ABCA13: variants seen among roughly 807,000 people sequenced by gnomAD.
The protein encoded by ABCA13 is ATP-binding cassette sub-family A member 13.
Under a neutral mutation model 478.7 loss-of-function variants are expected in ABCA13, and 476 were observed. That is an observed-to-expected ratio of 0.99 (90% CI 0.92 to 1.07). The LOEUF (loss-of-function observed/expected upper bound fraction) is 1.07, where lower values mean the gene tolerates loss of function less well. ABCA13 is among the 50% of genes least tolerant of loss of function. The pLI is 0.00. For missense variants in ABCA13, 6,060 were observed against 5,910.6 expected (o/e 1.03, Z -0.83); for synonymous variants, 2,252 against 2,158.9 (o/e 1.04, Z -1.20).
intron 3 of ABCA13, among the ~76,000 whole-genome samples, chr7:48,214,282 C>A (rs376341209): frequency 6.6e-6 from 1 of 152,112 alleles, no homozygotes. Context: ...AGAGGTGCTG[C>A]CATCTAAGCT....
At chr7:48,477,840 T>C (rs1828304907) in intron 45 of ABCA13, among the ~76,000 whole-genome samples, 1 of 151,756 alleles carries the variant, frequency 6.6e-6, no homozygotes, top group Non-Finnish European at 1.5e-5. Flanking sequence ...TGTATACATA[T>C]GTAACAAACC....
rs954768505 is a variant in ABCA13, at chr7:48,219,427, C to G, written c.361C>G (p.Leu121Val). Reference protein sequence around the residue: ...NLAFLKEIQDLAEEIHGMMDK... With the variant: ...NLAFLKEIQDVAEEIHGMMDK... ...GGCCTTTTTAAAAGAGATACAAGAC[C>G]TGGCAGAGGAAATTCATGGAATGAT... Residue 121 changes from leucine (L) to valine (V), a missense_variant, in exon 4 of 62, where the codon CTG (leucine) becomes GTG (valine). Transcript: ENST00000435803. 6.2e-7 allele frequency: 1 copy of G among 1,613,204 alleles called. No homozygotes were observed. Among genetic ancestry groups the G allele is most frequent in the Non-Finnish European group, 8.5e-7 (1 of 1,179,596 alleles).
intron 32 of ABCA13, among the ~76,000 whole-genome samples, chr7:48,370,305 G>T (rs149708440): frequency 6.6e-6 from 1 of 151,804 alleles, no homozygotes; most frequent in African/African-American, 2.4e-5. Flanking sequence ...GAGTCTTTAG[G>T]GTTTTCTAGG....
intron 55 of ABCA13, among the ~76,000 whole-genome samples, chr7:48,550,446 C>T (rs996710354): frequency 4.6e-5 from 7 of 151,228 alleles, no homozygotes; most frequent in Admixed American, 6.6e-5. Context: ...TTAGTAGAGA[C>T]GGGGTTTCAT....
In ABCA13 at chr7:48,274,946, A is replaced by T; in HGVS notation, c.5280A>T (p.Val1760=). Reference sequence around the variant, plus strand: ...ATGCTGTAAGGCTCCTGCAGGGAGTACCTGGTAAAAACATCACTGAAGGCC... The same window carrying T: ...ATGCTGTAAGGCTCCTGCAGGGAGTTCCTGGTAAAAACATCACTGAAGGCC... The part of the protein sequence containing the change: ...LPHAVRLLQG[V]PGKNITEGLK... Residue 1760 remains valine (V), a synonymous_variant, in exon 17 of 62, where the codon GTA becomes GTT. Transcript: ENST00000435803. 1 of 1,613,784 alleles carries T rather than the reference A, an allele frequency of 6.2e-7. No homozygotes were observed. Among genetic ancestry groups the T allele is most frequent in the Non-Finnish European group, 8.5e-7 (1 of 1,179,716 alleles).
chr7:48,565,918 C>A (rs531308493), intron 55 of ABCA13, among the ~76,000 whole-genome samples: 1 of 152,124 alleles, frequency 6.6e-6, no homozygotes, highest in African/African-American at 2.4e-5. Flanking sequence ...AAAAACAATT[C>A]AGATATTCAG....
At chr7:48,483,192 T>G (rs758857556) in intron 47 of ABCA13, 29 bp downstream of exon 47, 2 of 1,561,636 alleles carry the variant, frequency 1.3e-6, no homozygotes, top group Non-Finnish European at 1.7e-6. Context: ...TTTTTTCCTG[T>G]TTTAGAAAGT....
At chr7:48,471,506 C>G (rs1242521675) in intron 44 of ABCA13, 24 bp from the exon 45 acceptor site, 1 of 1,538,362 alleles carries the variant, frequency 6.5e-7, no homozygotes, top group Admixed American at 2.0e-5. Flanking sequence ...AAAGATCATT[C>G]CAATTCTCTC....
intron 35 of ABCA13, among the ~76,000 whole-genome samples, chr7:48,385,358 C>T (rs1199686835): frequency 6.6e-6 from 1 of 152,130 alleles, no homozygotes; most frequent in East Asian, 1.9e-4. Flanking sequence ...TTCATGTGTT[C>T]TCATCATTCA....
At chr7:48,531,505 AT>A (rs982908596) in intron 55 of ABCA13, among the ~76,000 whole-genome samples, 13 of 150,492 alleles carry the variant, frequency 8.6e-5, no homozygotes, top group African/African-American at 1.7e-4. Context: ...GAATTTTAGG[AT>A]TTTTTTTTCT....
intron 3 of ABCA13, among the ~76,000 whole-genome samples, chr7:48,206,243 A>G (rs1339656562): frequency 1.3e-5 from 2 of 152,236 alleles, no homozygotes; most frequent in East Asian, 1.9e-4. Flanking sequence ...GACTGCGTAT[A>G]TGACAGGGGT....
At chr7:48,219,537 C>G in intron 4 of ABCA13, 32 bp downstream of exon 4, 2 of 1,589,558 alleles carry the variant, frequency 1.3e-6, no homozygotes, top group Non-Finnish European at 1.7e-6. Flanking sequence ...GTGACACTAC[C>G]TACCTGGACA....
At chr7:48,558,830 G>A (rs1034290820) in intron 55 of ABCA13, among the ~76,000 whole-genome samples, 12 of 152,114 alleles carry the variant, frequency 7.9e-5, no homozygotes, top group Non-Finnish European at 8.8e-5. Context: ...TTCCTGGATG[G>A]CCTTGATGTT....
At chr7:48,602,416 T>G (rs145870707) in intron 58 of ABCA13, among the ~76,000 whole-genome samples, 6,480 of 152,200 alleles carry the variant, frequency 0.043, 444 homozygotes, top group African/African-American at 0.15. Flanking sequence ...TGTAAGGAAG[T>G]GATCCAGTTT....
chr7:48,265,584 TCATA>T (rs2128732798), intron 15 of ABCA13, among the ~76,000 whole-genome samples: 1 of 151,640 alleles, frequency 6.6e-6, no homozygotes, highest in East Asian at 1.9e-4. Flanking sequence ...AATTTGTTGC[TCATA>T]CAAATATATA....
Position 48,278,284 on chromosome 7 carries a change from GATTT to G in ABCA13, c.7096_7099del (p.Phe2366MetfsTer9). 6.2e-7 allele frequency: 1 copy of G among 1,612,550 alleles called. No individual in the cohort carries two copies. The highest frequency in any genetic ancestry group is 8.5e-7 in the Non-Finnish European group (1 of 1,179,048). On this transcript the variant is annotated frameshift_variant, in exon 18 of 62. Coordinates refer to ENST00000435803, the MANE Select transcript of ABCA13 (RefSeq NM_152701.5). LOFTEE classifies it high-confidence loss of function. ...TCATCAAGGACTGAAGTTCATGCAAGATTTATTTAATGCCCTTCTCAGGGAAACT... is the reference window on the plus strand; with the variant it reads ...TCATCAAGGACTGAAGTTCATGCAAGATTTAATGCCCTTCTCAGGGAAACT...
chr7:48,475,458 A>ATTTTTTTTTTTTTTTTTTTTTTTTT (rs398047655), intron 45 of ABCA13, among the ~76,000 whole-genome samples: 1 of 100,476 alleles, frequency 1.0e-5, no homozygotes, highest in Non-Finnish European at 1.9e-5. Context: ...TGTCAATTTA[A>ATTTTTTTTTTTTTTTTTTTTTTTTT]TTTTTTTTTT....
chr7:48,494,666 G>A (rs73107553), intron 48 of ABCA13, among the ~76,000 whole-genome samples: 8,887 of 152,120 alleles, frequency 0.058, 328 homozygotes, highest in East Asian at 0.12. Context: ...TTTTCATGGG[G>A]AGCATCTCAT....
At chr7:48,514,610 G>C (rs2130930070) in intron 51 of ABCA13, among the ~76,000 whole-genome samples, 2 of 152,234 alleles carry the variant, frequency 1.3e-5, no homozygotes, top group Admixed American at 1.3e-4. Context: ...GCAATTCTGT[G>C]ATTTCATTTG....
Sources: allele counts gnomAD v4.1 joint callset (sites outside exome capture counted in the v4.1 genomes callset), GRCh38; gene constraint gnomAD v4.1.1; transcripts MANE v1.5; gene names NCBI Gene and HGNC (gene_info 2026-07-23, HGNC 2026-07-21).